The following VPS53 variants were observed in gnomAD, a reference collection of about 807,000 sequenced individuals.
VPS53 encodes the protein vacuolar protein sorting-associated protein 53 homolog.
Under a neutral mutation model 107.0 loss-of-function variants are expected in VPS53, and 70 were observed. The ratio of observed to expected loss-of-function variants is 0.65; its 90% CI spans 0.54 to 0.80. The LOEUF (loss-of-function observed/expected upper bound fraction) is 0.80. VPS53 is among the 30% of genes least tolerant of loss of function. The pLI is 0.00. For missense variants in VPS53, 917 were observed against 1,049.4 expected, an observed-to-expected ratio of 0.87 and a Z score of 1.74; for synonymous variants, 409 against 393.3, an observed-to-expected ratio of 1.04 and a Z score of -0.47.
At chr17:571,540 T>TCTCCCCCTCCCTACGGTCTCCCC in intron 13 of VPS53, among the ~76,000 whole-genome samples, 1 of 128,778 alleles carries the variant, frequency 7.8e-6, no homozygotes, top group African/African-American at 2.9e-5. Flanking sequence ...ACGGTCTCCC[T>TCTCCCCCTCCCTACGGTCTCCCC]CTCCCCACGG....
chr17:641,770 C>G (rs1488274015), intron 7 of VPS53, among the ~76,000 whole-genome samples: 2 of 152,174 alleles, frequency 1.3e-5, no homozygotes, highest in African/African-American at 4.8e-5. Flanking sequence ...CCTAGCCATT[C>G]TTGTGAAAGT....
At chr17:692,724 C>T (rs1322517618) in intron 4 of VPS53, among the ~76,000 whole-genome samples, 9 of 152,322 alleles carry the variant, frequency 5.9e-5, no homozygotes, top group South Asian at 4.1e-4. Flanking sequence ...CACACCTAGC[C>T]GGGTGCGGTG....
chr17:631,476 T>C (rs1969957389), intron 8 of VPS53, 74 bp downstream of exon 8: 3 of 1,472,692 alleles, frequency 2.0e-6, no homozygotes, highest in Non-Finnish European at 2.9e-6. Flanking sequence ...GATAACCACA[T>C]GGTGACTGGG....
chr17:595,959 C>T (rs1967951609), intron 12 of VPS53, among the ~76,000 whole-genome samples: 1 of 147,176 alleles, frequency 6.8e-6, no homozygotes, highest in Non-Finnish European at 1.5e-5. Flanking sequence ...ATGATGCACT[C>T]TAGTGTCCCC....
intron 7 of VPS53, among the ~76,000 whole-genome samples, chr17:634,494 C>T (rs989937426): frequency 1.3e-5 from 2 of 151,298 alleles, no homozygotes; most frequent in Admixed American, 1.3e-4. Flanking sequence ...GTGCTGCACC[C>T]ATTAACTCAT....
chr17:553,319 T>C (rs1252538043), intron 16 of VPS53, 61 bp downstream of exon 16: 4 of 1,485,846 alleles, frequency 2.7e-6, no homozygotes, highest in African/African-American at 2.9e-5. Context: ...ACATACGTGC[T>C]GCACGCTGCT....
At chr17:671,208 G>A (rs1971925907) in intron 4 of VPS53, among the ~76,000 whole-genome samples, 1 of 144,462 alleles carries the variant, frequency 6.9e-6, no homozygotes, top group African/African-American at 2.6e-5. Context: ...TCCAGCCTGG[G>A]CAACAGAGTG....
chr17:547,373 A>G (rs1156361532), intron 17 of VPS53, among the ~76,000 whole-genome samples: 2 of 152,214 alleles, frequency 1.3e-5, no homozygotes, highest in Non-Finnish European at 2.9e-5. Context: ...CACATGCCCC[A>G]CCATGCACAT....
chr17:673,093 C>T (rs1354051855), intron 4 of VPS53, among the ~76,000 whole-genome samples: 2 of 131,194 alleles, frequency 1.5e-5, no homozygotes, highest in Non-Finnish European at 3.2e-5. Context: ...GCCTGGGGCA[C>T]AGAGCAAGAT....
At chr17:531,774 T>A (rs893752791) in intron 19 of VPS53, among the ~76,000 whole-genome samples, 1 of 28,938 alleles carries the variant, frequency 3.5e-5, no homozygotes, top group Non-Finnish European at 5.1e-5. Context: ...GGATTTATTC[T>A]TTTTTTTTTT....
At chr17:679,271 A>G (rs1406575906) in intron 4 of VPS53, among the ~76,000 whole-genome samples, 2 of 151,784 alleles carry the variant, frequency 1.3e-5, no homozygotes, top group Non-Finnish European at 2.9e-5. Context: ...ATCCCAGCAC[A>G]TTGGGAGGCC....
At chr17:547,539 T>C (rs1911323143) in intron 17 of VPS53, among the ~76,000 whole-genome samples, 1 of 152,166 alleles carries the variant, frequency 6.6e-6, no homozygotes, top group Non-Finnish European at 1.5e-5. Context: ...TGCTGAGAGG[T>C]ACGGGGTTTC....
At chr17:633,989 A>C (rs1263063845) in intron 7 of VPS53, among the ~76,000 whole-genome samples, 1 of 152,160 alleles carries the variant, frequency 6.6e-6, no homozygotes, top group African/African-American at 2.4e-5. Flanking sequence ...AGCCACAGGG[A>C]ACTTATAGTA....
chr17:673,065 T>C (rs1972026824), intron 4 of VPS53, among the ~76,000 whole-genome samples: 1 of 151,460 alleles, frequency 6.6e-6, no homozygotes, highest in Non-Finnish European at 1.5e-5. Flanking sequence ...TGAGCCGAGA[T>C]TGTGCCACTG....
intron 12 of VPS53, among the ~76,000 whole-genome samples, chr17:589,087 TA>T (rs1967495163): frequency 6.6e-6 from 1 of 151,914 alleles, no homozygotes; most frequent in South Asian, 2.1e-4. Context: ...CTATTCTTTT[TA>T]TTTAATTTTT....
chr17:573,654 T>C (rs151113400), intron 13 of VPS53, among the ~76,000 whole-genome samples: 1 of 152,294 alleles, frequency 6.6e-6, no homozygotes, highest in East Asian at 1.9e-4. Context: ...CTTCTCCTCC[T>C]CGCCACAAAG....
rs112525148 is a variant in VPS53 at position 693,921 on chromosome 17, T to G, written c.285+3497A>C. Among the ~76,000 whole-genome samples, 1,508 of 152,318 alleles carry G rather than the reference T, an allele frequency of 9.9e-3. 25 individuals carry two copies. Among genetic ancestry groups the G allele is most frequent in the African/African-American group, 0.034 (1,410 of 41,580 alleles). On this transcript the variant is annotated intron_variant, in intron 4 of 21. Transcript: ENST00000437048. ...CCAGGGAAGAGGGGAACGTGGGGCC[T>G]CTTGACCTACAAAACTCAGTATTTT...
At chr17:708,417 C>T (rs1163628267) in intron 2 of VPS53, among the ~76,000 whole-genome samples, 1 of 152,184 alleles carries the variant, frequency 6.6e-6, no homozygotes, top group Non-Finnish European at 1.5e-5. Context: ...GACTTTAACA[C>T]TTTCACTAAT....
rs1000997649 is a variant in VPS53, at chr17:655,326, G to A, written c.488+512C>T. ...GGAAATCTACTTTATAAAAAAAAGT[G>A]GTTTGAATGATTGAGTTCTGTCTCA... On this transcript the variant is annotated intron_variant, in intron 6 of 21. Transcript: ENST00000437048. Among the ~76,000 whole-genome samples, 2 of 9,178 alleles carry A rather than the reference G, an allele frequency of 2.2e-4. 1 individual carries two copies. The allele number at this position is 9,178 out of a possible 152,430, so 6.0% of individuals were successfully genotyped here. A position where few individuals can be genotyped will look rare whatever the true frequency, so the allele number is the denominator to read the frequency against.
Sources: allele counts gnomAD v4.1 joint callset (sites outside exome capture counted in the v4.1 genomes callset), GRCh38; gene constraint gnomAD v4.1.1; transcripts MANE v1.5; gene names NCBI Gene and HGNC (gene_info 2026-07-23, HGNC 2026-07-21).